Variants in GSPT1 observed in about 807,000 individuals in gnomAD.
GSPT1 encodes eukaryotic peptide chain release factor GTP-binding subunit ERF3A.
GSPT1 carries 20 observed loss-of-function variants against 72.5 expected under a neutral mutation model. The ratio of observed to expected loss-of-function variants is 0.28; its 90% CI spans 0.19 to 0.40. The LOEUF (loss-of-function observed/expected upper bound fraction) is 0.40. Ranked by LOEUF, GSPT1 falls within the 10% of genes least tolerant of loss-of-function variation. The pLI, the probability that GSPT1 is intolerant of heterozygous loss-of-function variation, is 1.00. For synonymous variants in GSPT1, 334 were observed against 293.5 expected (o/e 1.14, Z -1.41); for missense variants, 580 against 811.9 (o/e 0.71, Z 3.47).
chr16:11,886,283 C>T (rs1451183586), intron 9 of GSPT1, among the ~76,000 whole-genome samples, 188 bp downstream of exon 9: 2 of 152,012 alleles, frequency 1.3e-5, no homozygotes, highest in African/African-American at 4.8e-5. Flanking sequence ...AATGACAACC[C>T]AGTTTAAAAA....
rs551741802 is a variant in GSPT1 at position 11,883,898 on chromosome 16, C to G, written c.1348-803G>C. On this transcript the variant is annotated intron_variant, in intron 10 of 14. Coordinates refer to ENST00000434724, the MANE Select transcript of GSPT1 (RefSeq NM_002094.4). ...ACTGCACTCCAGCCTGGTGAAACAG[C>G]GAGACTCCATCTCAAAAAAAAAAAA... is the stretch of plus-strand genomic sequence containing the variant. Among the ~76,000 whole-genome samples, 3 of 146,962 alleles carry G rather than the reference C, an allele frequency of 2.0e-5. No individual in the cohort carries two copies. In the Admixed American group the frequency reaches 2.1e-4, roughly 10 times the overall value.
intron 1 of GSPT1, chr16:11,915,078 C>G: frequency 7.7e-7 from 1 of 1,292,214 alleles, no homozygotes; most frequent in South Asian, 1.2e-5. Flanking sequence ...CGGTTCCCAT[C>G]TCAAGTGGGT....
intron 1 of GSPT1, among the ~76,000 whole-genome samples, chr16:11,914,463 A>G (rs900031650): frequency 6.6e-6 from 1 of 152,246 alleles, no homozygotes; most frequent in Non-Finnish European, 1.5e-5. Context: ...TAGAAAATGT[A>G]TGTCTACTAG....
In GSPT1 at chr16:11,915,529, G is replaced by A. The variant is rs1381015537; in HGVS notation, c.192C>T (p.Ala64=). 9.9e-6 allele frequency: 15 copies of A among 1,520,872 alleles called. No homozygotes were observed. The highest frequency in any genetic ancestry group is 1.3e-5 in the Non-Finnish European group (15 of 1,135,518). The allele number at this position is 1,520,872 out of a possible 1,614,324, so 94.2% of individuals were successfully genotyped here. The change falls in exon 1 of 15, where the codon GCC becomes GCT. Residue 64 remains alanine (A), a synonymous_variant. Transcript: ENST00000434724. The part of the protein sequence containing the change: ...AEAQRENLSA[A]FSRQLNVNAK... ...CGTTGACGTTGAGTTGCCGGCTGAA[G>A]GCCGCGCTGAGGTTCTCCCGCTGGG... is the stretch of plus-strand genomic sequence containing the variant.
intron 10 of GSPT1, 116 bp downstream of exon 10, chr16:11,885,064 TG>T (rs2054170651): frequency 1.8e-6 from 1 of 569,676 alleles, no homozygotes; most frequent in Non-Finnish European, 3.1e-6. Flanking sequence ...TGCAAGATTC[TG>T]TCAAAAAAAA....
chr16:11,884,256 T>C (rs957988348), intron 10 of GSPT1, among the ~76,000 whole-genome samples: 1 of 152,178 alleles, frequency 6.6e-6, no homozygotes, highest in African/African-American at 2.4e-5. Flanking sequence ...GTTAGCACAG[T>C]ATTTTTGCGA....
upstream of GSPT1, chr16:11,916,039 T>G: frequency 2.5e-5 from 15 of 610,562 alleles, no homozygotes; most frequent in East Asian, 3.8e-5. Context: ...CCGCCACCCG[T>G]ACCTTCGCCT....
intron 1 of GSPT1, among the ~76,000 whole-genome samples, chr16:11,899,850 C>G (rs2054383648): frequency 6.6e-6 from 1 of 152,076 alleles, no homozygotes; most frequent in South Asian, 2.1e-4. Context: ...TGGCTTATTA[C>G]AAGCTGTGCC....
chr16:11,880,714 G>C (rs1453268646), intron 11 of GSPT1, among the ~76,000 whole-genome samples: 3 of 152,186 alleles, frequency 2.0e-5, no homozygotes, highest in East Asian at 1.9e-4. Context: ...ATCTTCTCTG[G>C]AAAAATGTCT....
At chr16:11,878,603 A>C (rs981394714) in intron 11 of GSPT1, among the ~76,000 whole-genome samples, 1 of 151,948 alleles carries the variant, frequency 6.6e-6, no homozygotes, top group African/African-American at 2.4e-5. Context: ...TTAAAAAAAA[A>C]AAAAAAAAAA....
At chr16:11,906,878 A>G (rs965272716) in intron 1 of GSPT1, among the ~76,000 whole-genome samples, 2 of 152,140 alleles carry the variant, frequency 1.3e-5, no homozygotes, top group Non-Finnish European at 1.5e-5. Context: ...ACAAAGAACG[A>G]TCCCATCTCT....
intron 11 of GSPT1, among the ~76,000 whole-genome samples, chr16:11,878,919 A>G: frequency 6.6e-6 from 1 of 151,488 alleles, no homozygotes; most frequent in East Asian, 2.0e-4. Context: ...ACAAAAGAAA[A>G]AAAACAATTA....
At chr16:11,891,228 C>A (rs2054254364) in intron 5 of GSPT1, 89 bp from the exon 6 acceptor site, 1 of 609,118 alleles carries the variant, frequency 1.6e-6, no homozygotes, top group Non-Finnish European at 2.8e-6. Flanking sequence ...TCGAAAATTT[C>A]AACGTCAGAA....
At chr16:11,895,524 T>C (rs563357146) in intron 4 of GSPT1, 2 of 152,114 alleles carry the variant, frequency 1.3e-5, no homozygotes, top group South Asian at 2.1e-4. Flanking sequence ...AGACTATAAA[T>C]TCCCCAAGAG....
intron 1 of GSPT1, among the ~76,000 whole-genome samples, chr16:11,907,207 T>C (rs754007707): frequency 2.0e-5 from 3 of 152,218 alleles, no homozygotes; most frequent in Non-Finnish European, 2.9e-5. Context: ...AGAAATGCCA[T>C]GGTCCAAGCT....
intron 13 of GSPT1, 43 bp from the exon 14 acceptor site, chr16:11,875,972 T>C: frequency 6.4e-7 from 1 of 1,557,078 alleles, no homozygotes; most frequent in Admixed American, 1.8e-5. Context: ...TAATGCCAAA[T>C]AAAATAATCT....
intron 1 of GSPT1, among the ~76,000 whole-genome samples, chr16:11,911,909 A>G (rs1429178016): frequency 9.4e-6 from 1 of 106,494 alleles, no homozygotes; most frequent in Non-Finnish European, 1.7e-5. Context: ...CAGTCTCACT[A>G]TGTTTTATGG....
intron 5 of GSPT1, among the ~76,000 whole-genome samples, chr16:11,891,368 A>T (rs6498253): frequency 0.43 from 62,330 of 144,160 alleles, 15,358 homozygotes; most frequent in Non-Finnish European, 0.56. Flanking sequence ...ATATATATAT[A>T]TTTTTTTTTT....
At position 11,883,110 on chromosome 16, in the gene GSPT1, A is replaced by C. The variant is rs763794320; in HGVS notation, c.1348-15T>G. ...GTGCCCATATCCTGATCAAATGTAA[A>C]ATAAAATCCAGTTTCAGACTTCTTG... is the stretch of plus-strand genomic sequence containing the variant. On this transcript the variant is annotated splice_polypyrimidine_tract_variant and intron_variant, in intron 10 of 14. Transcript: ENST00000434724. 6.5e-7 allele frequency: 1 copy of C among 1,545,196 alleles called. No homozygotes were observed. Among genetic ancestry groups the C allele is most frequent in the Admixed American group, 1.7e-5 (1 of 59,848 alleles).
Sources: allele counts gnomAD v4.1 joint callset (sites outside exome capture counted in the v4.1 genomes callset), GRCh38; gene constraint gnomAD v4.1.1; transcripts MANE v1.5; gene names NCBI Gene and HGNC (gene_info 2026-07-23, HGNC 2026-07-21).